The following B4GALT2 variants were observed in gnomAD, a reference collection of about 807,000 sequenced individuals.
B4GALT2 encodes the protein N-acetyllactosamine synthase.
Under a neutral mutation model 33.2 loss-of-function variants are expected in B4GALT2, and 18 were observed. That is an observed-to-expected ratio of 0.54 (90% CI 0.38 to 0.80). The LOEUF (loss-of-function observed/expected upper bound fraction) is 0.80. Ranked by LOEUF, B4GALT2 falls within the 30% of genes least tolerant of loss-of-function variation. The pLI, the probability that B4GALT2 is intolerant of heterozygous loss-of-function variation, is 0.00. For missense variants in B4GALT2, 404 were observed against 526.2 expected (o/e 0.77, Z 2.27); for synonymous variants, 214 against 217.6 (o/e 0.98, Z 0.15).
chr1:43,981,119 G>C lies in B4GALT2; in HGVS notation c.-42G>C. On this transcript the variant is annotated 5_prime_UTR_variant, in exon 2 of 7. Transcript: ENST00000372324. The surrounding 1 kb of genome is among the most constrained non-coding windows in gnomAD (Gnocchi z 8.1). ...TCCCACCCTGCTCAGGCCAGCAGCC[G>C]GATGCCCGGGCCCACTGGGCGGGCC... 1 of 1,587,848 alleles carries C rather than the reference G, an allele frequency of 6.3e-7. No individual in the cohort carries two copies. The highest frequency in any genetic ancestry group is 8.5e-7 in the Non-Finnish European group (1 of 1,173,660).
chr1:43,988,131 G>C (rs1456123044), intron 6 of B4GALT2, among the ~76,000 whole-genome samples: 3 of 152,174 alleles, frequency 2.0e-5, no homozygotes, highest in African/African-American at 7.2e-5. Context: ...ACGAGGAACA[G>C]AGAAAATGGC....
At chr1:43,980,467 TG>T (rs1268395111) in intron 1 of B4GALT2, 2 of 813,536 alleles carry the variant, frequency 2.5e-6, no homozygotes, top group Non-Finnish European at 3.0e-6. Context: ...AGTCTGTATT[TG>T]GGCCCCCCGG....
At chr1:43,986,051 G>A in intron 6 of B4GALT2, 1 of 206,892 alleles carries the variant, frequency 4.8e-6, no homozygotes, top group East Asian at 1.3e-4. Context: ...GGGGACCTGA[G>A]CAGTATGGGA....
In B4GALT2 at chr1:43,985,035, C is replaced by T. The variant is rs1301133459; in HGVS notation, c.720C>T (p.Ala240=). ...CGDQPRHFAI[A]MDKFGFRLPY... is the part of the protein sequence containing the mutation. ...ACCAACCCCGCCACTTTGCCATTGCCATGGACAAGTTTGGCTTCCGGTGAG... is the reference window on the plus strand; with the variant it reads ...ACCAACCCCGCCACTTTGCCATTGCTATGGACAAGTTTGGCTTCCGGTGAG... Residue 240 remains alanine, a synonymous_variant, in exon 4 of 7, where the codon GCC becomes GCT. Transcript: ENST00000372324. 3 of 1,613,794 alleles carry T rather than the reference C, an allele frequency of 1.9e-6. No homozygotes were observed. Among genetic ancestry groups the T allele is most frequent in the Non-Finnish European group, 2.5e-6 (3 of 1,179,992 alleles).
Position 43,981,787 on chromosome 1 carries a change from G to C in B4GALT2, c.412G>C (p.Asp138His). 3 of 1,613,706 alleles carry C rather than the reference G, an allele frequency of 1.9e-6. No individual in the cohort carries two copies. Among genetic ancestry groups the C allele is most frequent in the Non-Finnish European group, 2.5e-6 (3 of 1,180,012 alleles). Reference sequence around the variant, plus strand: ...CATGGGCGGCCGATACACACCGCCCGACTGCACCCCAGCCCAGACGGTGGC... The same window carrying C: ...CATGGGCGGCCGATACACACCGCCCCACTGCACCCCAGCCCAGACGGTGGC... ...VLMGGRYTPP[D>H]CTPAQTVAVI... Residue 138 changes from aspartate to histidine, a missense_variant, in exon 3 of 7, where the codon GAC (aspartate) becomes CAC (histidine). Asp to His is a moderately conservative substitution (Grantham distance 81). Transcript: ENST00000372324. This position sits in a 1 kb window ranked among gnomAD's most constrained non-coding sequence, Gnocchi z 8.1.
intron 6 of B4GALT2, among the ~76,000 whole-genome samples, chr1:43,988,578 G>A (rs953015549): frequency 2.0e-5 from 3 of 151,950 alleles, no homozygotes; most frequent in Non-Finnish European, 2.9e-5. Flanking sequence ...GAGGTTGGGA[G>A]GCAACCTCTT....
rs1005698371 is a variant in B4GALT2, at chr1:43,984,534, C to T, written c.550-331C>T. ...GGTGGGGAAGTGTGGTCAGGGGAGC[C>T]GCTCCAGCCCTGAGTGTGACAAGCA... On this transcript the variant is annotated intron_variant, in intron 3 of 6. Transcript: ENST00000372324. This position sits in a 1 kb window ranked among gnomAD's most constrained non-coding sequence, Gnocchi z 5.6. 4.6e-5 allele frequency among the ~76,000 whole-genome samples: 7 copies of T among 152,202 alleles called. No homozygotes were observed. Among genetic ancestry groups the T allele is most frequent in the African/African-American group, 1.7e-4 (7 of 41,452 alleles).
intron 4 of B4GALT2, 25 bp downstream of exon 4, chr1:43,985,080 C>T (rs1288357412): frequency 6.2e-7 from 1 of 1,610,102 alleles, no homozygotes; most frequent in East Asian, 2.2e-5. Context: ...CTCAGCTGGA[C>T]CCAGCCCTCC....
chr1:43,979,937 G>C lies in B4GALT2; in HGVS notation c.-53+426G>C. The stretch of plus-strand genomic sequence containing the variant: ...TCAGCCTGGCCGCCAGCCTGACCCA[G>C]AACCCCTGCGCCGGAGGGAGGGTGG... On this transcript the variant is annotated intron_variant, in intron 1 of 6. Transcript: ENST00000372324. This position sits in a 1 kb window ranked among gnomAD's most constrained non-coding sequence, Gnocchi z 4.8. 6.6e-7 allele frequency: 1 copy of C among 1,512,524 alleles called. No homozygotes were observed. Among genetic ancestry groups the C allele is most frequent in the East Asian group, 2.6e-5 (1 of 39,114 alleles). 93.7% of individuals were successfully genotyped at this position (1,512,524 alleles called of 1,614,324 possible). A position where few individuals can be genotyped will look rare whatever the true frequency, so the allele number is the denominator to read the frequency against.
chr1:43,988,116 A>G (rs992120134), intron 6 of B4GALT2, among the ~76,000 whole-genome samples: 31 of 152,300 alleles, frequency 2.0e-4, no homozygotes, highest in African/African-American at 6.3e-4. Context: ...GAGAGTCACT[A>G]AAGAACGAGG....
rs145753168 is a variant in B4GALT2 at position 43,981,366 on chromosome 1, G to A, written c.206G>A (p.Arg69Gln). The A allele has an allele frequency of 2.9e-5, 46 of 1,599,056 alleles. 1 individual carries two copies. The highest frequency in any genetic ancestry group is 1.3e-4 in the Admixed American group (8 of 59,972). ...AGCAGCAGCAGCAGCAACTGCTCCC[G>A]GCCCAACGCCACCGCCTCTAGCTCC... ...SSSSSSSNCS[R>Q]PNATASSSGL... The change falls in exon 2 of 7, where the codon CGG (arginine) becomes CAG (glutamine). Residue 69 changes from arginine (R) to glutamine (Q), a missense_variant. Coordinates refer to ENST00000372324, the MANE Select transcript of B4GALT2 (RefSeq NM_003780.5). This position sits in a 1 kb window ranked among gnomAD's most constrained non-coding sequence, Gnocchi z 8.1.
chr1:43,984,967 G>A lies in B4GALT2; in HGVS notation c.652G>A (p.Asp218Asn). Residue 218 changes from aspartate (D) to asparagine (N), a missense_variant, in exon 4 of 7, where the codon GAC (aspartate) becomes AAC (asparagine). Coordinates refer to ENST00000372324, the MANE Select transcript of B4GALT2 (RefSeq NM_003780.5). The surrounding 1 kb of genome is among the most constrained non-coding windows in gnomAD (Gnocchi z 5.6). ...TGACTGCTTCATCTTCAGCGATGTG[G>A]ACCTGGTCCCCATGGATGACCGCAA... ...AYDCFIFSDV[D>N]LVPMDDRNLY... The A allele has an allele frequency of 6.2e-7, 1 of 1,614,034 alleles. No individual in the cohort carries two copies. Among genetic ancestry groups the A allele is most frequent in the Non-Finnish European group, 8.5e-7 (1 of 1,180,024 alleles).
At position 43,981,432 on chromosome 1, in the gene B4GALT2, C is replaced by G. The variant is rs201975391; in HGVS notation, c.272C>G (p.Ala91Gly). 275 of 1,593,156 alleles carry G rather than the reference C, an allele frequency of 1.7e-4. No homozygotes were observed. The highest frequency in any genetic ancestry group is 2.2e-4 in the Non-Finnish European group (261 of 1,175,784). The change falls in exon 2 of 7, where the codon GCT becomes GGT. Residue 91 changes from alanine (A) to glycine (G), a missense_variant. Coordinates refer to ENST00000372324, the MANE Select transcript of B4GALT2 (RefSeq NM_003780.5). The surrounding 1 kb of genome is among the most constrained non-coding windows in gnomAD (Gnocchi z 8.1). ...EVPSALPGPT[A>G]PTLPPCPDSP... is the part of the protein sequence containing the mutation. ...CCCAGTGCCCTGCCCGGTCCCACGG[C>G]TCCCACGCTGCCACCCTGTCCTGAC... is the stretch of plus-strand genomic sequence containing the variant.
chr1:43,985,807 A>AC (rs1557652471), intron 6 of B4GALT2, 186 bp downstream of exon 6: 2 of 617,528 alleles, frequency 3.2e-6, no homozygotes, highest in South Asian at 3.9e-5. Context: ...GACTGCTGGC[A>AC]CCCCTGATCG....
At chr1:43,980,749 T>C in intron 1 of B4GALT2, 1 of 388,466 alleles carries the variant, frequency 2.6e-6, no homozygotes, top group Non-Finnish European at 4.2e-6. Context: ...GTCTCCATGC[T>C]TAGGTACAAA....
chr1:43,988,356 CAA>C (rs59935883), intron 6 of B4GALT2, among the ~76,000 whole-genome samples: 22 of 73,696 alleles, frequency 3.0e-4, no homozygotes, highest in East Asian at 3.5e-4. Context: ...ACCAAAAATA[CAA>C]AAAAAAAAAA....
chr1:43,980,102 C>A, intron 1 of B4GALT2: 5 of 1,429,704 alleles, frequency 3.5e-6, no homozygotes, highest in Non-Finnish European at 4.6e-6. Flanking sequence ...GACTGTAGTT[C>A]TCTGTGTGTC....
At chr1:43,985,205 C>G (rs528643656) in intron 4 of B4GALT2, 73 bp from the exon 5 acceptor site, 14 of 1,568,146 alleles carry the variant, frequency 8.9e-6, no homozygotes, top group Admixed American at 7.1e-5. Flanking sequence ...GACATTCCCC[C>G]CGACCTGGTC....
rs754836874 is a variant in B4GALT2, at chr1:43,985,435, G to T, written c.863+35G>T. The T allele has an allele frequency of 4.9e-4, 402 of 825,374 alleles. 6 individuals are homozygous for T. In the Middle Eastern group the frequency reaches 6.6e-3, roughly 14 times the overall value. 51.1% of individuals were successfully genotyped at this position (825,374 alleles called of 1,614,324 possible). ...CACGCGGTGGGGAATAGGCTGGGTG[G>T]GGGGGGGAGGGGGGGTGCAGACTGG... On this transcript the variant is annotated intron_variant, in intron 5 of 6. Coordinates refer to ENST00000372324, the MANE Select transcript of B4GALT2 (RefSeq NM_003780.5).
Sources: gnomAD v4.1 joint callset for allele counts (sites outside exome capture counted in the v4.1 genomes callset) on GRCh38, gnomAD v4.1.1 for gene constraint, Gnocchi (gnomAD v3.1) non-coding constraint, MANE v1.5 for transcripts, NCBI Gene and HGNC (gene_info 2026-07-23, HGNC 2026-07-21) for gene names.